Variants in ZFPM2 observed in about 807,000 individuals in gnomAD.
ZFPM2 encodes zinc finger protein ZFPM2.
A neutral mutation model predicts 98.6 loss-of-function variants in ZFPM2; 20 were observed. The observed-to-expected ratio is 0.20, with a 90% CI of 0.14 to 0.29. The LOEUF (loss-of-function observed/expected upper bound fraction) is 0.29. Among genes scored for constraint, ZFPM2 ranks in the 10% least tolerant of loss-of-function variants. The pLI is 1.00. For synonymous variants in ZFPM2, 518 were observed against 502.7 expected, an observed-to-expected ratio of 1.03 and a Z score of -0.41; for missense variants, 1,310 against 1,388.6, an observed-to-expected ratio of 0.94 and a Z score of 0.90.
chr8:105,449,444 T>A (rs2130245365), intron 3 of ZFPM2, among the ~76,000 whole-genome samples: 1 of 152,164 alleles, frequency 6.6e-6, no homozygotes, highest in Middle Eastern at 3.4e-3. Flanking sequence ...ATTTATATGT[T>A]AAGCTTTGGG....
chr8:105,691,231 C>CT (rs869164122), intron 5 of ZFPM2, among the ~76,000 whole-genome samples: 1,023 of 67,956 alleles, frequency 0.015, 272 homozygotes, highest in Non-Finnish European at 0.018. Flanking sequence ...CCCAAAGAGA[C>CT]TTTTTTTTTT....
In ZFPM2 at chr8:105,716,614, G is replaced by A. The variant is rs555177232; in HGVS notation, c.533-72104G>A. On this transcript the variant is annotated intron_variant, in intron 5 of 7. Coordinates refer to ENST00000407775, the MANE Select transcript of ZFPM2 (RefSeq NM_012082.4). ...TTTCTAAACCTTGTTGAGAGACCAT[G>A]TGCTCTTATTATCAAGGATTTCCCA... is the stretch of plus-strand genomic sequence containing the variant. Among the ~76,000 whole-genome samples, 5 of 152,134 alleles carry A rather than the reference G, an allele frequency of 3.3e-5. No homozygotes were observed. The South Asian group carries it at 8.3e-4, about 25-fold the overall frequency.
chr8:105,635,500 T>A (rs1816830427), intron 5 of ZFPM2, among the ~76,000 whole-genome samples: 1 of 152,132 alleles, frequency 6.6e-6, no homozygotes. Context: ...CTGATTATAC[T>A]TTTTTCCTTC....
At chr8:105,555,927 A>C (rs1207089556) in intron 3 of ZFPM2, among the ~76,000 whole-genome samples, 4 of 152,252 alleles carry the variant, frequency 2.6e-5, no homozygotes, top group East Asian at 1.9e-4. Context: ...AAGGAGAAGA[A>C]GGCTTTTTTG....
chr8:105,618,859 A>G (rs1816472847), intron 4 of ZFPM2, among the ~76,000 whole-genome samples: 1 of 152,164 alleles, frequency 6.6e-6, no homozygotes. Flanking sequence ...TTAATGAATA[A>G]GGCATGCTGA....
intron 1 of ZFPM2, among the ~76,000 whole-genome samples, chr8:105,388,723 C>T (rs1811049236): frequency 6.6e-6 from 1 of 152,146 alleles, no homozygotes; most frequent in South Asian, 2.1e-4. Flanking sequence ...CTGGCTTCTG[C>T]CAGGTGATTC....
intron 4 of ZFPM2, among the ~76,000 whole-genome samples, chr8:105,609,525 C>T (rs887948576): frequency 6.6e-5 from 10 of 152,118 alleles, no homozygotes; most frequent in Admixed American, 3.3e-4. Context: ...AGTTAGTTTT[C>T]TAAATCTATT....
chr8:105,519,924 A>C (rs1393741294), intron 3 of ZFPM2, among the ~76,000 whole-genome samples: 2 of 152,040 alleles, frequency 1.3e-5, no homozygotes, highest in South Asian at 4.1e-4. Context: ...CACCTTCATT[A>C]TGAGAATGCC....
intron 4 of ZFPM2, among the ~76,000 whole-genome samples, chr8:105,631,378 T>C (rs1816752275): frequency 6.6e-6 from 1 of 152,200 alleles, no homozygotes; most frequent in African/African-American, 2.4e-5. Flanking sequence ...TCTAGTGCTT[T>C]CTACATAGCA....
chr8:105,497,511 T>G (rs1410577429), intron 3 of ZFPM2, among the ~76,000 whole-genome samples: 1 of 152,206 alleles, frequency 6.6e-6, no homozygotes, highest in Non-Finnish European at 1.5e-5. Context: ...TGGTATAATT[T>G]ATTGATTTAG....
intron 5 of ZFPM2, among the ~76,000 whole-genome samples, chr8:105,752,435 A>G (rs1404396250): frequency 6.6e-6 from 1 of 152,168 alleles, no homozygotes; most frequent in African/African-American, 2.4e-5. Context: ...AGTCAGTTGC[A>G]AAGCAGGTGC....
intron 3 of ZFPM2, among the ~76,000 whole-genome samples, chr8:105,541,326 C>T (rs1217815230): frequency 6.6e-6 from 1 of 152,118 alleles, no homozygotes. Flanking sequence ...AAGTAACTAT[C>T]CTACTATCAC....
At chr8:105,395,335 G>A (rs1000142247) in intron 1 of ZFPM2, among the ~76,000 whole-genome samples, 5 of 152,070 alleles carry the variant, frequency 3.3e-5, no homozygotes, top group South Asian at 2.1e-4. Context: ...ACCATGTGTC[G>A]TCTCTAATTA....
chr8:105,689,487 A>AT (rs540454658), intron 5 of ZFPM2, among the ~76,000 whole-genome samples: 2 of 152,186 alleles, frequency 1.3e-5, no homozygotes, highest in African/African-American at 4.8e-5. Context: ...TGCTATTCAG[A>AT]TTTTTTTTGT....
intron 4 of ZFPM2, among the ~76,000 whole-genome samples, chr8:105,567,177 T>G (rs1270243159): frequency 1.3e-5 from 2 of 152,208 alleles, no homozygotes; most frequent in African/African-American, 4.8e-5. Flanking sequence ...AGCTTCATAT[T>G]GTACATATCC....
At chr8:105,402,843 T>A (rs1378200590) in intron 1 of ZFPM2, among the ~76,000 whole-genome samples, 1 of 152,110 alleles carries the variant, frequency 6.6e-6, no homozygotes, top group East Asian at 1.9e-4. Flanking sequence ...TAATAAAGTC[T>A]ATAGAAATTA....
chr8:105,518,940 A>AT (rs1028346712), intron 3 of ZFPM2, among the ~76,000 whole-genome samples: 1 of 152,194 alleles, frequency 6.6e-6, no homozygotes, highest in African/African-American at 2.4e-5. Context: ...AACTGTTTTG[A>AT]TATGTGTTAG....
At chr8:105,514,025 T>C (rs1325479650) in intron 3 of ZFPM2, among the ~76,000 whole-genome samples, 1 of 147,132 alleles carries the variant, frequency 6.8e-6, no homozygotes, top group East Asian at 2.0e-4. Context: ...TTTCCCAAGA[T>C]TAAGTGTCAC....
At chr8:105,716,227 GATTTTATCTAT>G (rs1811519668) in intron 5 of ZFPM2, among the ~76,000 whole-genome samples, 1 of 149,338 alleles carries the variant, frequency 6.7e-6, no homozygotes, top group South Asian at 2.1e-4. Context: ...TTTATATATT[GATTTTATCTAT>G]ATTTTATCCA....
Sources: gnomAD v4.1 joint callset for allele counts (sites outside exome capture counted in the v4.1 genomes callset) on GRCh38, gnomAD v4.1.1 for gene constraint, MANE v1.5 for transcripts, NCBI Gene and HGNC (gene_info 2026-07-23, HGNC 2026-07-21) for gene names.